Variants in COX11 observed in about 807,000 individuals in gnomAD.
COX11 encodes the protein cytochrome c oxidase copper chaperone COX11, also known as cytochrome c oxidase assembly protein COX11, mitochondrial.
COX11 carries 18 observed loss-of-function variants against 29.4 expected under a neutral mutation model. The ratio of observed to expected loss-of-function variants is 0.61; its 90% CI spans 0.42 to 0.91. The LOEUF (loss-of-function observed/expected upper bound fraction) is 0.91, where lower values mean the gene tolerates loss of function less well. COX11 is among the 40% of genes least tolerant of loss of function. The pLI, the probability that COX11 is intolerant of heterozygous loss-of-function variation, is 0.00. For missense variants in COX11, 312 were observed against 346.0 expected (o/e 0.90, Z 0.78); for synonymous variants, 131 against 124.0 (o/e 1.06, Z -0.38).
At chr17:54,955,219 A>C (rs922647168), upstream of COX11, 2 of 152,200 alleles carry the variant, frequency 1.3e-5, no homozygotes, top group African/African-American at 4.8e-5. Context: ...AGAGGATAAC[A>C]GGGATTTCCT....
rs1047856181 is a variant in COX11, at chr17:54,961,138, G to A, written c.*1595C>T. ...TCTTACCTTTCTTCTACTAGACTGT[G>A]ACTCTCCAGCTTCCCAGTAAAGACA... On this transcript the variant is annotated 3_prime_UTR_variant, in exon 4 of 4. Coordinates refer to ENST00000299335, the MANE Select transcript of COX11 (RefSeq NM_004375.5). 1.2e-6 allele frequency: 1 copy of A among 859,772 alleles called. No homozygotes were observed. The allele number at this position is 859,772 out of a possible 1,614,324, so 53.3% of individuals were successfully genotyped here.
At chr17:54,966,161 ATTTAAG>A (rs1252182140) in intron 1 of COX11, among the ~76,000 whole-genome samples, 1 of 152,224 alleles carries the variant, frequency 6.6e-6, no homozygotes, top group Non-Finnish European at 1.5e-5. Context: ...TTACTAAAAA[ATTTAAG>A]TCACTTAAAT....
intron 2 of COX11, among the ~76,000 whole-genome samples, chr17:54,963,870 T>C (rs1344425425): frequency 6.6e-6 from 1 of 152,044 alleles, no homozygotes; most frequent in Non-Finnish European, 1.5e-5. Flanking sequence ...GAACCTTTAT[T>C]ATGCCACAAA....
At chr17:54,953,655 A>C (rs996502509) in exon 1 of COX11, 2 of 152,028 alleles carry the variant, frequency 1.3e-5, no homozygotes, top group Non-Finnish European at 2.9e-5. Context: ...GGCCCTGGTC[A>C]CTCACCCATG....
At position 54,961,285 on chromosome 17, in the gene COX11, A is replaced by C; in HGVS notation, c.*1448T>G. ...CCACATCAAAGGTGCCAACTCTCTA[A>C]AACGTAGACTCTGTGCAGCTTTGAA... On this transcript the variant is annotated 3_prime_UTR_variant, in exon 4 of 4. Transcript: ENST00000299335. 6.4e-7 allele frequency: 1 copy of C among 1,551,560 alleles called. No homozygotes were observed. The highest frequency in any genetic ancestry group is 2.0e-5 in the Admixed American group (1 of 50,996).
chr17:54,960,796 G>C lies in COX11; in HGVS notation c.*1937C>G, dbSNP rs901421344. Among the ~76,000 whole-genome samples, 2 of 152,144 alleles carry C rather than the reference G, an allele frequency of 1.3e-5. No homozygotes were observed. Among genetic ancestry groups the C allele is most frequent in the African/African-American group, 4.8e-5 (2 of 41,436 alleles). On this transcript the variant is annotated 3_prime_UTR_variant, in exon 4 of 4. Coordinates refer to ENST00000299335, the MANE Select transcript of COX11 (RefSeq NM_004375.5). Reference sequence around the variant, plus strand: ...TTGTGCTGAACCATTGTTCACTAATGAGAGTCATTCTTTGTGATTTTCTCA... The same window carrying C: ...TTGTGCTGAACCATTGTTCACTAATCAGAGTCATTCTTTGTGATTTTCTCA...
rs1472886090 is a variant in COX11, at chr17:54,964,780, C to CTTT, written c.436_438dup (p.Lys146dup). The stretch of plus-strand genomic sequence containing the variant: ...TTAAAGCTAATTTTAATGATTCGAT[C>CTTT]TTTAACAGGCACCATGTTTTCAATC... On this transcript the variant is annotated inframe_insertion, in exon 2 of 4. Coordinates refer to ENST00000299335, the MANE Select transcript of COX11 (RefSeq NM_004375.5). 1 of 1,613,934 alleles carries CTTT rather than the reference C, an allele frequency of 6.2e-7. No homozygotes were observed. Among genetic ancestry groups the CTTT allele is most frequent in the Non-Finnish European group, 8.5e-7 (1 of 1,179,944 alleles).
downstream of COX11, chr17:54,959,319 A>T (rs1020696474): frequency 6.6e-6 from 1 of 152,164 alleles, no homozygotes; most frequent in Admixed American, 6.6e-5. Context: ...GACGCATATA[A>T]AGAATTGAAT....
Position 54,968,317 on chromosome 17 carries a change from G to A in COX11, c.330C>T (p.Ser110=), listed in dbSNP as rs777789256. Residue 110 remains serine, a synonymous_variant, in exon 1 of 4, where the codon TCC becomes TCT. Transcript: ENST00000299335. ...AAVAVGMLGA[S]YAAVPLYRLY... ...GCCGATAAAGGGGTACGGCAGCGTA[G>A]GACGCCCCCAGCATGCCCACGGCGA... is the stretch of plus-strand genomic sequence containing the variant. The A allele has an allele frequency of 4.8e-5, 77 of 1,612,700 alleles. No homozygotes were observed. The highest frequency in any genetic ancestry group is 6.3e-5 in the Non-Finnish European group (74 of 1,179,898).
At position 54,962,752 on chromosome 17, in the gene COX11, G is replaced by A. The variant is rs2077151925; in HGVS notation, c.812C>T (p.Pro271Leu). Residue 271 changes from proline (P) to leucine (L), a missense_variant, in exon 4 of 4, where the codon CCA becomes CTA. This residue lies in a region of COX11 where 182 missense variants were observed against 240.0 expected (regional missense o/e 0.76). Coordinates refer to ENST00000299335, the MANE Select transcript of COX11 (RefSeq NM_004375.5). The part of the protein sequence containing the change: ...FFEAKEGHKL[P>L]VPGYN The stretch of plus-strand genomic sequence containing the variant: ...CTGACTTCAATTATATCCTGGAACT[G>A]GCAACTTGTGCCCTTCCTTTGCTTC... 1 of 1,611,308 alleles carries A rather than the reference G, an allele frequency of 6.2e-7. No individual in the cohort carries two copies. The highest frequency in any genetic ancestry group is 1.7e-5 in the Admixed American group (1 of 59,858).
Position 54,960,738 on chromosome 17 carries a change from C to A in COX11, c.*1995G>T. On this transcript the variant is annotated 3_prime_UTR_variant, in exon 4 of 4. Transcript: ENST00000299335. ...TTCTAAGGGCCATCTGAGTCTGACA[C>A]TTTGAAATATGAGTTCCCCTGAATC... 1 of 773,388 alleles carries A rather than the reference C, an allele frequency of 1.3e-6. No homozygotes were observed. Among genetic ancestry groups the A allele is most frequent in the Non-Finnish European group, 2.2e-6 (1 of 453,816 alleles). The allele number at this position is 773,388 out of a possible 1,614,324, so 47.9% of individuals were successfully genotyped here. A position where few individuals can be genotyped will look rare whatever the true frequency, so the allele number is the denominator to read the frequency against.
chr17:54,961,344 C>G lies in COX11; in HGVS notation c.*1389G>C, dbSNP rs772909512. 7.6e-5 allele frequency: 118 copies of G among 1,551,278 alleles called. No homozygotes were observed. Among genetic ancestry groups the G allele is most frequent in the Non-Finnish European group, 9.9e-5 (114 of 1,146,860 alleles). Reference sequence around the variant, plus strand: ...GACAATACCTACCAACATGTCAAAGCCATGGTGGCACATTTCTGCTATAAT... The same window carrying G: ...GACAATACCTACCAACATGTCAAAGGCATGGTGGCACATTTCTGCTATAAT... On this transcript the variant is annotated 3_prime_UTR_variant, in exon 4 of 4. Coordinates refer to ENST00000299335, the MANE Select transcript of COX11 (RefSeq NM_004375.5).
exon 1 of COX11, chr17:54,954,043 A>G (rs2049367752): frequency 1.3e-5 from 2 of 152,158 alleles, no homozygotes; most frequent in African/African-American, 2.4e-5. Flanking sequence ...GCATATTCCT[A>G]TAATGATGAA....
downstream of COX11, among the ~76,000 whole-genome samples, chr17:54,960,149 G>A (rs1439252305): frequency 6.6e-6 from 1 of 152,104 alleles, no homozygotes; most frequent in African/African-American, 2.4e-5. Context: ...GATCACCTGA[G>A]GTCAGGAGTT....
intron 2 of COX11, 84 bp from the exon 3 acceptor site, chr17:54,963,515 GC>G (rs2077167910): frequency 2.1e-6 from 3 of 1,411,662 alleles, no homozygotes; most frequent in African/African-American, 1.5e-5. Context: ...TCATTATTTT[GC>G]CTATTCATCA....
chr17:54,960,568 C>T lies in COX11; in HGVS notation c.*2165G>A. ...TTGCTGTGATGGCTTTGTTTCAGAG[C>T]TATTTATGAAGAAATTGATGCTCAC... On this transcript the variant is annotated 3_prime_UTR_variant, in exon 4 of 4. Coordinates refer to ENST00000299335, the MANE Select transcript of COX11 (RefSeq NM_004375.5). 1 of 1,612,668 alleles carries T rather than the reference C, an allele frequency of 6.2e-7. No individual in the cohort carries two copies. The highest frequency in any genetic ancestry group is 8.5e-7 in the Non-Finnish European group (1 of 1,179,330).
rs1345985747 is a variant in COX11 at position 54,968,598 on chromosome 17, A to G, written c.49T>C (p.Trp17Arg). 6.2e-7 allele frequency: 1 copy of G among 1,612,844 alleles called. No individual in the cohort carries two copies. The highest frequency in any genetic ancestry group is 8.5e-7 in the Non-Finnish European group (1 of 1,180,008). The change falls in exon 1 of 4, where the codon TGG becomes CGG. Residue 17 changes from tryptophan (W) to arginine (R), a missense_variant. Physicochemically the swap from Trp to Arg is moderately radical, Grantham distance 101. Around this residue, in one of 2 missense-constraint regions of COX11, gnomAD observed 130 missense variants for 106.0 expected, o/e 1.23. Transcript: ENST00000299335. ...PGWRCVPFCG[W>R]RWIHPGSPTR... is the part of the protein sequence containing the mutation. ...GGAGACCCAGGGTGGATCCAGCGCCAGCCACAGAAAGGAACGCACCTCCAT... is the reference window on the plus strand; with the variant it reads ...GGAGACCCAGGGTGGATCCAGCGCCGGCCACAGAAAGGAACGCACCTCCAT...
rs2077117055 is a variant in COX11 at position 54,961,257 on chromosome 17, C to G, written c.*1476G>C. 1 of 1,550,300 alleles carries G rather than the reference C, an allele frequency of 6.5e-7. No homozygotes were observed. The highest frequency in any genetic ancestry group is 8.7e-7 in the Non-Finnish European group (1 of 1,145,760). Reference sequence around the variant, plus strand: ...TAGAAGAAAGTGGATGATCAGCTCACTACCACATCAAAGGTGCCAACTCTC... The same window carrying G: ...TAGAAGAAAGTGGATGATCAGCTCAGTACCACATCAAAGGTGCCAACTCTC... On this transcript the variant is annotated 3_prime_UTR_variant, in exon 4 of 4. Coordinates refer to ENST00000299335, the MANE Select transcript of COX11 (RefSeq NM_004375.5).
exon 1 of COX11, chr17:54,953,835 A>G (rs2144010288): frequency 6.6e-6 from 1 of 152,352 alleles, no homozygotes; most frequent in African/African-American, 2.4e-5. Flanking sequence ...TTCTCTGAAT[A>G]TCTGGGGCTG....
Sources: gnomAD v4.1 joint callset for allele counts (sites outside exome capture counted in the v4.1 genomes callset) on GRCh38, gnomAD v4.1.1 for gene constraint, gnomAD v4.1.1 regional missense constraint, MANE v1.5 for transcripts, NCBI Gene and HGNC (gene_info 2026-07-23, HGNC 2026-07-21) for gene names.